LRFN2: variants seen among roughly 807,000 people sequenced by gnomAD.
The protein encoded by LRFN2 is leucine-rich repeat and fibronectin type-III domain-containing protein 2.
Under a neutral mutation model 37.3 loss-of-function variants are expected in LRFN2, and 18 were observed. That is an observed-to-expected ratio of 0.48 (90% confidence interval 0.33 to 0.72). The LOEUF is 0.72. LRFN2 is among the 30% of genes least tolerant of loss of function. The pLI is 0.02. For missense variants in LRFN2, 1,006 were observed against 1,060.7 expected (o/e 0.95, Z 0.72); for synonymous variants, 556 against 466.6 (o/e 1.19, Z -2.47).
chr6:40,583,806 G>A (rs1767450200), intron 1 of LRFN2, among the ~76,000 whole-genome samples: 1 of 152,144 alleles, frequency 6.6e-6, no homozygotes, highest in Admixed American at 6.5e-5. Flanking sequence ...CTTTACCTGG[G>A]CCTCACAACA....
intron 2 of LRFN2, among the ~76,000 whole-genome samples, chr6:40,396,890 C>T (rs1386220252): frequency 6.6e-6 from 1 of 152,160 alleles, no homozygotes; most frequent in African/African-American, 2.4e-5. Context: ...CTAGCACTTA[C>T]TTGTCCTGGC....
Position 40,392,382 on chromosome 6 carries a change from G to T in LRFN2, c.1931C>A (p.Pro644His), listed in dbSNP as rs764219025. ...GCTGGGCTTGGGGCGCGGGGCGGAG[G>T]GTGGGATCCTCCAGGGGGCCCGTCC... ...GLGRAPWRIPPSAPRPKPSLD... is the reference protein window; with the variant it reads ...GLGRAPWRIPHSAPRPKPSLD... Residue 644 changes from proline to histidine, a missense_variant, in exon 3 of 3, where the codon CCC becomes CAC. Around this residue, in one of 4 missense-constraint regions of LRFN2, gnomAD observed 398 missense variants for 327.6 expected, o/e 1.21. Coordinates refer to ENST00000338305, the MANE Select transcript of LRFN2 (RefSeq NM_020737.3). This position sits in a 1 kb window ranked among gnomAD's most constrained non-coding sequence, Gnocchi z 4.7. The T allele has an allele frequency of 3.1e-6, 5 of 1,590,422 alleles. No individual in the cohort carries two copies. Among genetic ancestry groups the T allele is most frequent in the African/African-American group, 1.3e-5 (1 of 74,482 alleles).
chr6:40,577,106 T>TCTCTTCTCTTCTCTTC (rs1441848756), intron 1 of LRFN2, among the ~76,000 whole-genome samples: 7 of 138,030 alleles, frequency 5.1e-5, no homozygotes, highest in Admixed American at 7.2e-5. Flanking sequence ...TTCTTTTCCT[T>TCTCTTCTCTTCTCTTC]TCTTTTCTTT....
intron 1 of LRFN2, among the ~76,000 whole-genome samples, chr6:40,435,044 T>G (rs1439249847): frequency 0.028 from 2,483 of 87,872 alleles, 27 homozygotes; most frequent in East Asian, 0.065. Flanking sequence ...TATATATATA[T>G]ATATATATAG....
chr6:40,414,849 G>A (rs1357265059), intron 2 of LRFN2, among the ~76,000 whole-genome samples: 1 of 152,194 alleles, frequency 6.6e-6, no homozygotes, highest in East Asian at 1.9e-4. Flanking sequence ...GAACAGCCTA[G>A]AGAGGAGGCA....
intron 1 of LRFN2, among the ~76,000 whole-genome samples, chr6:40,471,097 G>A (rs999830094): frequency 6.6e-6 from 1 of 152,154 alleles, no homozygotes. Flanking sequence ...AAGGGCTGAG[G>A]GGGCCAGGGG....
intron 1 of LRFN2, among the ~76,000 whole-genome samples, chr6:40,576,259 A>G (rs998243576): frequency 6.6e-6 from 1 of 152,200 alleles, no homozygotes; most frequent in African/African-American, 2.4e-5. Context: ...GCCTAATTCC[A>G]TAGGGTAACA....
chr6:40,481,174 G>C (rs111366443), intron 1 of LRFN2, among the ~76,000 whole-genome samples: 1 of 152,084 alleles, frequency 6.6e-6, no homozygotes, highest in Non-Finnish European at 1.5e-5. Context: ...AGTGTCTCAC[G>C]TCTATAATCC....
chr6:40,541,876 G>A (rs536596170), intron 1 of LRFN2, among the ~76,000 whole-genome samples: 1 of 152,330 alleles, frequency 6.6e-6, no homozygotes, highest in South Asian at 2.1e-4. Context: ...GGGCCATAAA[G>A]AGATTCTCAT....
intron 2 of LRFN2, among the ~76,000 whole-genome samples, chr6:40,412,058 A>G (rs1561843414): frequency 6.6e-6 from 1 of 152,088 alleles, no homozygotes; most frequent in African/African-American, 2.4e-5. Flanking sequence ...GACAGGCTCA[A>G]TGGTCGGATA....
chr6:40,569,037 T>C (rs926238267), intron 1 of LRFN2, among the ~76,000 whole-genome samples: 1 of 152,162 alleles, frequency 6.6e-6, no homozygotes, highest in African/African-American at 2.4e-5. Flanking sequence ...TGTGGTACAA[T>C]GGGAAGGACA....
chr6:40,447,923 C>T (rs1027722354), intron 1 of LRFN2, among the ~76,000 whole-genome samples: 2 of 152,198 alleles, frequency 1.3e-5, no homozygotes, highest in African/African-American at 4.8e-5. Flanking sequence ...ACAAAATGTA[C>T]ACAAGGCTCT....
chr6:40,447,632 G>A (rs1247050095), intron 1 of LRFN2, among the ~76,000 whole-genome samples: 1 of 152,172 alleles, frequency 6.6e-6, no homozygotes, highest in Non-Finnish European at 1.5e-5. Flanking sequence ...ATCATGAAAT[G>A]GTGAACACTT....
At chr6:40,500,785 G>T (rs1451069856) in intron 1 of LRFN2, among the ~76,000 whole-genome samples, 1 of 152,206 alleles carries the variant, frequency 6.6e-6, no homozygotes, top group Non-Finnish European at 1.5e-5. Context: ...AAAACAGTGG[G>T]CCTAGAAGAC....
chr6:40,428,744 A>C (rs940443666), intron 2 of LRFN2, among the ~76,000 whole-genome samples: 3 of 152,238 alleles, frequency 2.0e-5, no homozygotes, highest in African/African-American at 7.2e-5. Context: ...TGTAAAAGCT[A>C]AGCATCAAAC....
At chr6:40,579,492 T>C (rs1202287906) in intron 1 of LRFN2, among the ~76,000 whole-genome samples, 1 of 145,038 alleles carries the variant, frequency 6.9e-6, no homozygotes, top group East Asian at 2.1e-4. Flanking sequence ...CGGACTTCAT[T>C]ACCATCACCA....
At chr6:40,428,212 CTG>C (rs1763397947) in intron 2 of LRFN2, among the ~76,000 whole-genome samples, 1 of 152,218 alleles carries the variant, frequency 6.6e-6, no homozygotes, top group South Asian at 2.1e-4. Flanking sequence ...TTTCTCCTTG[CTG>C]GGGAAGATGG....
chr6:40,447,900 T>C (rs1429247655), intron 1 of LRFN2, among the ~76,000 whole-genome samples: 1 of 152,138 alleles, frequency 6.6e-6, no homozygotes, highest in Non-Finnish European at 1.5e-5. Context: ...TTCTCCTCCA[T>C]TAGAATCAAC....
intron 1 of LRFN2, among the ~76,000 whole-genome samples, chr6:40,512,769 C>G (rs543731452): frequency 6.6e-6 from 1 of 152,236 alleles, no homozygotes. Flanking sequence ...CAGAGACACA[C>G]GTCCTTTATG....
Sources: allele counts gnomAD v4.1 joint callset (sites outside exome capture counted in the v4.1 genomes callset), GRCh38; gene constraint gnomAD v4.1.1; regional missense constraint gnomAD v4.1.1; non-coding constraint Gnocchi (gnomAD v3.1); transcripts MANE v1.5; gene names NCBI Gene and HGNC (gene_info 2026-07-23, HGNC 2026-07-21).